The following SUMF1 variants were observed in gnomAD, a reference collection of about 807,000 sequenced individuals.
SUMF1 encodes the protein formylglycine-generating enzyme.
SUMF1 carries 48 observed loss-of-function variants against 47.6 expected under a neutral mutation model. The ratio of observed to expected loss-of-function variants is 1.01; its 90% confidence interval spans 0.80 to 1.28. The LOEUF (loss-of-function observed/expected upper bound fraction) is 1.28, where lower values mean the gene tolerates loss of function less well. Ranked by LOEUF, SUMF1 falls within the 50% of genes most tolerant of loss-of-function variation. The pLI, the probability that SUMF1 is intolerant of heterozygous loss-of-function variation, is 0.00. For synonymous variants in SUMF1, 230 were observed against 192.1 expected, an observed-to-expected ratio of 1.20 and a Z score of -1.63; for missense variants, 571 against 485.4, an observed-to-expected ratio of 1.18 and a Z score of -1.66.
chr3:4,177,199 T>G (rs1694985371), intron 8 of SUMF1, among the ~76,000 whole-genome samples: 1 of 152,140 alleles, frequency 6.6e-6, no homozygotes, highest in Admixed American at 6.5e-5. Context: ...CCAATAGACA[T>G]CTACAGAACT....
At chr3:4,049,280 T>A (rs978560915) in intron 9 of SUMF1, among the ~76,000 whole-genome samples, 1 of 152,132 alleles carries the variant, frequency 6.6e-6, no homozygotes, top group African/African-American at 2.4e-5. Flanking sequence ...AATAATTCAA[T>A]AGCTCTCACA....
At chr3:4,089,165 C>T (rs576148351) in intron 8 of SUMF1, among the ~76,000 whole-genome samples, 1 of 152,192 alleles carries the variant, frequency 6.6e-6, no homozygotes, top group African/African-American at 2.4e-5. Context: ...CCCTTTTGCT[C>T]CTACTCACAA....
At chr3:4,103,842 G>GA (rs1693094863) in intron 8 of SUMF1, among the ~76,000 whole-genome samples, 2 of 152,226 alleles carry the variant, frequency 1.3e-5, no homozygotes, top group South Asian at 4.1e-4. Flanking sequence ...GCTGATAGAA[G>GA]AATCAACCAC....
intron 7 of SUMF1, among the ~76,000 whole-genome samples, chr3:4,384,818 C>T (rs1344840394): frequency 6.6e-6 from 1 of 152,096 alleles, no homozygotes; most frequent in Admixed American, 6.5e-5. Flanking sequence ...CATAAGTTTT[C>T]ATCCCTTTGG....
intron 3 of SUMF1, among the ~76,000 whole-genome samples, chr3:4,428,917 T>C (rs80078284): frequency 0.032 from 4,850 of 152,350 alleles, 114 homozygotes; most frequent in Middle Eastern, 0.048. Flanking sequence ...AATGTTTTCA[T>C]TGATTTTATT....
intron 8 of SUMF1, among the ~76,000 whole-genome samples, chr3:4,367,745 C>T (rs1700027412): frequency 6.6e-5 from 10 of 152,112 alleles, no homozygotes; most frequent in Admixed American, 6.5e-4. Context: ...AAAGGATTCC[C>T]TATTTAATAA....
At chr3:4,162,101 A>C (rs958766300) in intron 8 of SUMF1, among the ~76,000 whole-genome samples, 1 of 151,910 alleles carries the variant, frequency 6.6e-6, no homozygotes, top group African/African-American at 2.4e-5. Flanking sequence ...TAGCAATATC[A>C]TTTGAGAGCT....
At chr3:4,451,506 T>C (rs1702967861) in intron 2 of SUMF1, among the ~76,000 whole-genome samples, 1 of 152,204 alleles carries the variant, frequency 6.6e-6, no homozygotes, top group African/African-American at 2.4e-5. Flanking sequence ...ACTTATAACT[T>C]TTCCCTATCC....
chr3:4,440,718 T>G (rs553109065), intron 3 of SUMF1, among the ~76,000 whole-genome samples: 6 of 152,206 alleles, frequency 3.9e-5, no homozygotes, highest in African/African-American at 1.2e-4. Context: ...TGACTTTCAG[T>G]TGAAAGAACT....
At chr3:4,419,125 C>A (rs928918389) in intron 4 of SUMF1, among the ~76,000 whole-genome samples, 8 of 152,208 alleles carry the variant, frequency 5.3e-5, no homozygotes, top group Non-Finnish European at 1.2e-4. Flanking sequence ...ATACATTCCC[C>A]TTTTGGGTTT....
At chr3:4,348,380 T>C (rs947880868) in intron 8 of SUMF1, among the ~76,000 whole-genome samples, 2 of 152,124 alleles carry the variant, frequency 1.3e-5, no homozygotes, top group Non-Finnish European at 1.5e-5. Context: ...ACCACACATC[T>C]ACAACCATCT....
At chr3:4,043,110 A>G (rs1694940276) in intron 9 of SUMF1, among the ~76,000 whole-genome samples, 1 of 151,950 alleles carries the variant, frequency 6.6e-6, no homozygotes, top group South Asian at 2.1e-4. Context: ...GGCTCTGACA[A>G]TGACTGGATC....
intron 7 of SUMF1, among the ~76,000 whole-genome samples, chr3:4,387,490 G>A (rs971626289): frequency 6.6e-6 from 1 of 151,780 alleles, no homozygotes; most frequent in Non-Finnish European, 1.5e-5. Context: ...TTTTTGCTTT[G>A]TCAGACTTGC....
intron 3 of SUMF1, among the ~76,000 whole-genome samples, chr3:4,448,319 G>A (rs547475156): frequency 6.6e-6 from 1 of 152,228 alleles, no homozygotes; most frequent in East Asian, 1.9e-4. Flanking sequence ...CTCACGAGAG[G>A]ACAGAGTGAG....
chr3:4,222,736 G>A (rs1191842490), intron 8 of SUMF1, among the ~76,000 whole-genome samples: 1 of 152,138 alleles, frequency 6.6e-6, no homozygotes, highest in Non-Finnish European at 1.5e-5. Flanking sequence ...CAGAAGGAAA[G>A]GGTTCATTAT....
chr3:4,095,274 C>T (rs1692877241), intron 8 of SUMF1, among the ~76,000 whole-genome samples: 3 of 152,090 alleles, frequency 2.0e-5, no homozygotes, highest in Non-Finnish European at 2.9e-5. Flanking sequence ...CCATAGGGCA[C>T]CATAAGCAAC....
chr3:4,365,872 A>G (rs957379819), intron 8 of SUMF1, among the ~76,000 whole-genome samples: 14 of 152,094 alleles, frequency 9.2e-5, no homozygotes, highest in Non-Finnish European at 1.5e-4. Context: ...TCCTTTCCAT[A>G]TTTAGTGTTT....
At chr3:4,291,096 G>A (rs1366344630) in intron 8 of SUMF1, among the ~76,000 whole-genome samples, 1 of 152,064 alleles carries the variant, frequency 6.6e-6, no homozygotes, top group African/African-American at 2.4e-5. Context: ...CTAATGTCGG[G>A]CACATAGTAT....
intron 8 of SUMF1, among the ~76,000 whole-genome samples, chr3:4,264,139 T>A (rs1328607882): frequency 2.0e-5 from 3 of 152,158 alleles, no homozygotes; most frequent in Non-Finnish European, 4.4e-5. Flanking sequence ...CTCGCTATAA[T>A]CTGACTTCAG....
Sources: gnomAD v4.1 joint callset for allele counts (sites outside exome capture counted in the v4.1 genomes callset) on GRCh38, gnomAD v4.1.1 for gene constraint, MANE v1.5 for transcripts, NCBI Gene and HGNC (gene_info 2026-07-23, HGNC 2026-07-21) for gene names.